Variants in UBR4 observed in about 807,000 individuals in gnomAD.
UBR4 encodes the protein E3 ubiquitin-protein ligase UBR4.
Under a neutral mutation model 575.6 loss-of-function variants are expected in UBR4, and 124 were observed. The observed-to-expected ratio is 0.22, with a 90% CI of 0.19 to 0.25. UBR4 has a LOEUF of 0.25. Ranked by LOEUF, UBR4 falls within the 10% of genes least tolerant of loss-of-function variation. The pLI, the probability that UBR4 is intolerant of heterozygous loss-of-function variation, is 1.00. For missense variants in UBR4, 4,818 were observed against 6,478.8 expected, an observed-to-expected ratio of 0.74 and a Z score of 8.80; for synonymous variants, 2,455 against 2,473.7, an observed-to-expected ratio of 0.99 and a Z score of 0.22.
At chr1:19,155,220 C>A in intron 43 of UBR4, 145 bp from the exon 44 acceptor site, 1 of 1,248,668 alleles carries the variant, frequency 8.0e-7, no homozygotes, top group Non-Finnish European at 1.1e-6. Flanking sequence ...TTACAAAGAC[C>A]CTGAGAAAAA....
chr1:19,208,637 A>C (rs2093142407), intron 1 of UBR4, among the ~76,000 whole-genome samples: 2 of 152,192 alleles, frequency 1.3e-5, no homozygotes, highest in South Asian at 4.1e-4. Context: ...CCACTACCAC[A>C]TACATGGCAA....
At position 19,089,578 on chromosome 1, in the gene UBR4, G is replaced by A. The variant is rs977839585; in HGVS notation, c.14212-601C>T. 7.2e-5 allele frequency among the ~76,000 whole-genome samples: 11 copies of A among 152,184 alleles called. No homozygotes were observed. The highest frequency in any genetic ancestry group is 2.2e-4 in the African/African-American group (9 of 41,440). ...GCCTGAAAAAGCTGGAAGTCACTAC[G>A]TATAGCGCTATGTGATAAACGGGGG... On this transcript the variant is annotated intron_variant, in intron 97 of 105. Coordinates refer to ENST00000375254, the MANE Select transcript of UBR4 (RefSeq NM_020765.3). This position sits in a 1 kb window ranked among gnomAD's most constrained non-coding sequence, Gnocchi z 4.3.
At position 19,153,084 on chromosome 1, in the gene UBR4, C is replaced by T. The variant is rs760481245; in HGVS notation, c.6832+217G>A. On this transcript the variant is annotated intron_variant, in intron 46 of 105. Transcript: ENST00000375254. The surrounding 1 kb of genome is among the most constrained non-coding windows in gnomAD (Gnocchi z 4.1). Reference sequence around the variant, plus strand: ...CTCAAATAAGGTCCAGGACATAACTCGTTACTAGGCACCAAAGAACTGCTG... The same window carrying T: ...CTCAAATAAGGTCCAGGACATAACTTGTTACTAGGCACCAAAGAACTGCTG... Among the ~76,000 whole-genome samples, 2 of 152,216 alleles carry T rather than the reference C, an allele frequency of 1.3e-5. No homozygotes were observed. The highest frequency in any genetic ancestry group is 2.9e-5 in the Non-Finnish European group (2 of 68,022).
At chr1:19,196,941 C>T (rs765544807) in intron 8 of UBR4, among the ~76,000 whole-genome samples, 200 bp downstream of exon 8, 2 of 152,154 alleles carry the variant, frequency 1.3e-5, no homozygotes, top group Non-Finnish European at 2.9e-5. Context: ...ATGCCTATAA[C>T]GCAATGGCAG....
chr1:19,091,015 G>A (rs1189302042), intron 97 of UBR4, among the ~76,000 whole-genome samples: 1 of 151,704 alleles, frequency 6.6e-6, no homozygotes, highest in Non-Finnish European at 1.5e-5. Context: ...AGAATCGCTT[G>A]AACCCGGGAG....
Position 19,177,752 on chromosome 1 carries a change from G to A in UBR4, c.2355-9C>T. The A allele has an allele frequency of 6.2e-7, 1 of 1,609,500 alleles. No individual in the cohort carries two copies. Among genetic ancestry groups the A allele is most frequent in the Non-Finnish European group, 8.5e-7 (1 of 1,177,682 alleles). ...TCATTGTAGACAAAAACCTACCAGA[G>A]AGAAAAGATGACTATATCTGGTGGG... On this transcript the variant is annotated splice_polypyrimidine_tract_variant and intron_variant, in intron 18 of 105. Coordinates refer to ENST00000375254, the MANE Select transcript of UBR4 (RefSeq NM_020765.3).
In UBR4 at chr1:19,095,602, C is replaced by G. The variant is rs759823230; in HGVS notation, c.13569G>C (p.Gln4523His). Reference sequence around the variant, plus strand: ...TGTTCATTTCCAGTTTGACCAGTTGCTGCCGGTTGACTTTCACCTTCACGC... The same window carrying G: ...TGTTCATTTCCAGTTTGACCAGTTGGTGCCGGTTGACTTTCACCTTCACGC... ...SYCVKVKVNR[Q>H]QLVKLEMNTL... Residue 4523 changes from glutamine (Q) to histidine (H), a missense_variant, in exon 93 of 106, where the codon CAG becomes CAC. Gln to His is a conservative substitution (Grantham distance 24). This residue lies in a region of UBR4 where 165 missense variants were observed against 282.3 expected (regional missense o/e 0.58). Coordinates refer to ENST00000375254, the MANE Select transcript of UBR4 (RefSeq NM_020765.3). 1.2e-6 allele frequency: 2 copies of G among 1,614,032 alleles called. No homozygotes were observed. Among genetic ancestry groups the G allele is most frequent in the Non-Finnish European group, 1.7e-6 (2 of 1,180,014 alleles).
chr1:19,180,920 C>T (rs759638324), intron 17 of UBR4, among the ~76,000 whole-genome samples: 1 of 152,190 alleles, frequency 6.6e-6, no homozygotes, highest in Non-Finnish European at 1.5e-5. Context: ...CTCCACTCCT[C>T]TTTCATACTG....
rs2083670120 is a variant in UBR4, at chr1:19,139,987, G to C, written c.8594-767C>G. ...GGCACAACACAACAGCAACCTCAGA[G>C]CCTGAAATGACAGCAACTAAAGAGA... On this transcript the variant is annotated intron_variant, in intron 58 of 105. Coordinates refer to ENST00000375254, the MANE Select transcript of UBR4 (RefSeq NM_020765.3). The surrounding 1 kb of genome is among the most constrained non-coding windows in gnomAD (Gnocchi z 4.2). Among the ~76,000 whole-genome samples the C allele has an allele frequency of 6.6e-6, 1 of 152,084 alleles. No homozygotes were observed. The highest frequency in any genetic ancestry group is 2.4e-5 in the African/African-American group (1 of 41,384).
chr1:19,127,281 G>A (rs1359718457), intron 63 of UBR4, among the ~76,000 whole-genome samples: 2 of 152,138 alleles, frequency 1.3e-5, no homozygotes, highest in African/African-American at 4.8e-5. Flanking sequence ...CACACACATT[G>A]CTTTCTCTCT....
At chr1:19,183,399 G>A (rs911443413) in intron 17 of UBR4, among the ~76,000 whole-genome samples, 27 of 152,216 alleles carry the variant, frequency 1.8e-4, no homozygotes, top group African/African-American at 6.3e-4. Flanking sequence ...TTCCAGGGAG[G>A]GGATTTAATG....
rs918127438 is a variant in UBR4 at position 19,165,720 on chromosome 1, A to G, written c.4147T>C (p.Tyr1383His). 18 of 1,614,038 alleles carry G rather than the reference A, an allele frequency of 1.1e-5. No homozygotes were observed. In the African/African-American group the frequency reaches 2.1e-4, roughly 19 times the overall value. The change falls in exon 30 of 106, where the codon TAC becomes CAC. Residue 1383 changes from tyrosine to histidine, a missense_variant. Coordinates refer to ENST00000375254, the MANE Select transcript of UBR4 (RefSeq NM_020765.3). ...CTACTTTCCAGCTGCTTTTCCAAGT[A>G]CTGGAGACATTCCTCCAGGATGGAT... ...DESILEECLQ[Y>H]LEKQLESSQA... is the part of the protein sequence containing the mutation.
Position 19,117,554 on chromosome 1 carries a change from G to T in UBR4, c.10630-140C>A, listed in dbSNP as rs112444839. 9 of 1,060,758 alleles carry T rather than the reference G, an allele frequency of 8.5e-6. No homozygotes were observed. The Admixed American group carries it at 1.1e-4, about 13-fold the overall frequency. The allele number at this position is 1,060,758 out of a possible 1,614,324, so 65.7% of individuals were successfully genotyped here. Reference sequence around the variant, plus strand: ...TTAAAAAATATTTTGTAGAGATGGGGTCTCACCATCTTGCCCAGGCTGGTC... The same window carrying T: ...TTAAAAAATATTTTGTAGAGATGGGTTCTCACCATCTTGCCCAGGCTGGTC... On this transcript the variant is annotated intron_variant, in intron 72 of 105. Coordinates refer to ENST00000375254, the MANE Select transcript of UBR4 (RefSeq NM_020765.3). The surrounding 1 kb of genome is among the most constrained non-coding windows in gnomAD (Gnocchi z 4.0).
In UBR4 at chr1:19,077,878, A is replaced by C. The variant is rs1335273056; in HGVS notation, c.15324+98T>G. 4 of 1,602,782 alleles carry C rather than the reference A, an allele frequency of 2.5e-6. No homozygotes were observed. In the East Asian group the frequency reaches 9.0e-5, roughly 36 times the overall value. On this transcript the variant is annotated intron_variant, in intron 104 of 105. Transcript: ENST00000375254. ...AAAAAAGCGCCCCCAGGCCCAGCGG[A>C]GGAGCAGCCATGTGGGTGCTGAGGC...
At position 19,172,873 on chromosome 1, in the gene UBR4, G is replaced by A. The variant is rs375711059; in HGVS notation, c.3512C>T (p.Ser1171Leu). ...AGGCAGTTCGCCACACCTGGTGAAC[G>A]ATGCATAGGTGTCAATGAGTTGCAG... is the stretch of plus-strand genomic sequence containing the variant. ...ATLQLIDTYA[S>L]FTRAYLLQNF... The change falls in exon 25 of 106, where the codon TCG (serine) becomes TTG (leucine). Residue 1171 changes from serine to leucine, a missense_variant. Physicochemically the swap from Ser to Leu is moderately radical, Grantham distance 145. This residue lies in a region of UBR4 where 1,172 missense variants were observed against 1,259.7 expected (regional missense o/e 0.93). Coordinates refer to ENST00000375254, the MANE Select transcript of UBR4 (RefSeq NM_020765.3). The A allele has an allele frequency of 1.5e-4, 243 of 1,614,072 alleles. No individual in the cohort carries two copies. Among genetic ancestry groups the A allele is most frequent in the Non-Finnish European group, 1.9e-4 (230 of 1,180,024 alleles).
At chr1:19,207,732 C>T (rs1209841403) in intron 1 of UBR4, among the ~76,000 whole-genome samples, 1 of 151,838 alleles carries the variant, frequency 6.6e-6, no homozygotes, top group Non-Finnish European at 1.5e-5. Flanking sequence ...GGCCTGCAGG[C>T]CAAATCCAGG....
chr1:19,145,506 G>GACACACACACAC (rs1557773651), intron 53 of UBR4, among the ~76,000 whole-genome samples: 2 of 43,378 alleles, frequency 4.6e-5, no homozygotes, highest in South Asian at 8.5e-4. Context: ...ATAAACCACT[G>GACACACACACAC]AGACACACAC....
chr1:19,101,034 CATG>C (rs1261899191), intron 88 of UBR4, among the ~76,000 whole-genome samples: 1 of 152,032 alleles, frequency 6.6e-6, no homozygotes, highest in East Asian at 1.9e-4. Flanking sequence ...ATTGCTAGCT[CATG>C]ATACTAGTGT....
chr1:19,171,104 C>G (rs746170088), intron 25 of UBR4, among the ~76,000 whole-genome samples: 10 of 152,194 alleles, frequency 6.6e-5, no homozygotes, highest in Admixed American at 1.3e-4. Context: ...GACTGCCTGA[C>G]AAGTAAGCCT....
Sources: allele counts gnomAD v4.1 joint callset (sites outside exome capture counted in the v4.1 genomes callset), GRCh38; gene constraint gnomAD v4.1.1; regional missense constraint gnomAD v4.1.1; non-coding constraint Gnocchi (gnomAD v3.1); transcripts MANE v1.5; gene names NCBI Gene and HGNC (gene_info 2026-07-23, HGNC 2026-07-21).